SNTG1: variants seen among roughly 807,000 people sequenced by gnomAD.
SNTG1 encodes syntrophin gamma 1, also known as gamma-1-syntrophin.
In SNTG1, 39 loss-of-function variants were observed where a neutral mutation model predicts 74.7. The observed-to-expected ratio is 0.52, with a 90% CI of 0.40 to 0.68. The LOEUF is 0.68. Ranked by LOEUF, SNTG1 falls within the 30% of genes least tolerant of loss-of-function variation. SNTG1 has a pLI of 0.00. For missense variants in SNTG1, 685 were observed against 609.5 expected, an observed-to-expected ratio of 1.12 and a Z score of -1.30; for synonymous variants, 254 against 217.1, an observed-to-expected ratio of 1.17 and a Z score of -1.49.
intron 2 of SNTG1, among the ~76,000 whole-genome samples, chr8:50,236,744 C>T (rs566364874): frequency 3.9e-5 from 6 of 152,040 alleles, no homozygotes; most frequent in East Asian, 3.9e-4. Context: ...GCCACCGCGC[C>T]CGGCCAAAAA....
chr8:50,381,780 G>C (rs867487167), intron 2 of SNTG1: 7 of 106,454 alleles, frequency 6.6e-5, no homozygotes. Flanking sequence ...TATATATATA[G>C]GATATATATA....
chr8:50,157,744 C>T (rs2082296814), intron 1 of SNTG1, among the ~76,000 whole-genome samples: 1 of 152,024 alleles, frequency 6.6e-6, no homozygotes. Context: ...AAACAATGTG[C>T]AGCTTCTTGA....
intron 1 of SNTG1, among the ~76,000 whole-genome samples, chr8:50,147,146 A>G (rs2081901012): frequency 6.6e-6 from 1 of 152,196 alleles, no homozygotes; most frequent in East Asian, 1.9e-4. Context: ...CTTCTGCATG[A>G]TACTTGGGTG....
intron 15 of SNTG1, among the ~76,000 whole-genome samples, chr8:50,670,341 A>G (rs1161980193): frequency 1.3e-5 from 2 of 152,106 alleles, no homozygotes; most frequent in African/African-American, 4.8e-5. Flanking sequence ...AACTTCAGCA[A>G]AGTCTCAGGA....
chr8:50,338,640 T>G (rs1330678960), intron 2 of SNTG1, among the ~76,000 whole-genome samples: 1 of 151,946 alleles, frequency 6.6e-6, no homozygotes, highest in Non-Finnish European at 1.5e-5. Context: ...AATGAAAAAG[T>G]TACAGTCTTT....
At position 50,167,745 on chromosome 8, in the gene SNTG1, C is replaced by T. The variant is rs562472907; in HGVS notation, c.-102-4816C>T. On this transcript the variant is annotated intron_variant, in intron 1 of 18. Coordinates refer to ENST00000642720, the MANE Select transcript of SNTG1 (RefSeq NM_018967.5). ...GGAGGATCCTGTCAGCCTGGCAATT[C>T]GAGGTTGCAGTGAGTCATGATCACA... Among the ~76,000 whole-genome samples the T allele has an allele frequency of 8.7e-4, 129 of 148,970 alleles. 1 individual carries two copies. Among genetic ancestry groups the T allele is most frequent in the Non-Finnish European group, 1.6e-3 (106 of 67,622 alleles).
At chr8:50,153,527 GT>G (rs1170114690) in intron 1 of SNTG1, among the ~76,000 whole-genome samples, 5 of 152,116 alleles carry the variant, frequency 3.3e-5, no homozygotes, top group African/African-American at 9.7e-5. Flanking sequence ...CCCCATCTTT[GT>G]GGTTTTATTT....
intron 1 of SNTG1, among the ~76,000 whole-genome samples, chr8:49,937,135 C>T (rs528653831): frequency 1.3e-5 from 2 of 152,208 alleles, no homozygotes; most frequent in East Asian, 3.9e-4. Flanking sequence ...GGGGACAGAG[C>T]TAGACTCCGT....
chr8:49,962,530 A>C (rs1465628014), intron 1 of SNTG1, among the ~76,000 whole-genome samples: 2 of 151,950 alleles, frequency 1.3e-5, no homozygotes, highest in Non-Finnish European at 2.9e-5. Context: ...CTCAAGGCCC[A>C]TGTGAGTCTC....
chr8:50,438,223 T>A (rs1458857370), intron 4 of SNTG1, among the ~76,000 whole-genome samples: 2 of 152,114 alleles, frequency 1.3e-5, no homozygotes, highest in African/African-American at 4.8e-5. Flanking sequence ...AAAATAAGAA[T>A]ACGTAATGTG....
chr8:50,268,003 A>G (rs1004724656), intron 2 of SNTG1, among the ~76,000 whole-genome samples: 1 of 152,216 alleles, frequency 6.6e-6, no homozygotes, highest in Non-Finnish European at 1.5e-5. Context: ...GTTTTTGACT[A>G]TATAGAATAT....
At chr8:50,381,592 G>GTGTGTGTGTGTGTA (rs1217355515) in intron 2 of SNTG1, among the ~76,000 whole-genome samples, 4 of 98,016 alleles carry the variant, frequency 4.1e-5, no homozygotes, top group Non-Finnish European at 8.7e-5. Flanking sequence ...GTGTGTGTGT[G>GTGTGTGTGTGTGTA]TATATATATA....
intron 1 of SNTG1, among the ~76,000 whole-genome samples, chr8:50,039,058 T>G (rs920488127): frequency 6.6e-6 from 1 of 152,134 alleles, no homozygotes; most frequent in Non-Finnish European, 1.5e-5. Context: ...TTTCAGAAAT[T>G]AAAATGGGGT....
intron 12 of SNTG1, among the ~76,000 whole-genome samples, chr8:50,583,800 T>C (rs1339627329): frequency 1.3e-5 from 2 of 151,790 alleles, no homozygotes; most frequent in African/African-American, 4.8e-5. Context: ...TGCTTTAAGT[T>C]CTAGGGTACA....
intron 1 of SNTG1, among the ~76,000 whole-genome samples, chr8:49,943,956 C>T (rs1187868746): frequency 1.3e-5 from 2 of 152,044 alleles, no homozygotes; most frequent in Non-Finnish European, 2.9e-5. Context: ...AATTTAATCT[C>T]ATTATAGTTC....
At chr8:50,459,253 C>A (rs1425710413) in intron 8 of SNTG1, among the ~76,000 whole-genome samples, 1 of 152,110 alleles carries the variant, frequency 6.6e-6, no homozygotes, top group African/African-American at 2.4e-5. Context: ...GTATTACATT[C>A]TTGATTCTTG....
At chr8:50,518,315 A>C (rs1410893277) in intron 9 of SNTG1, among the ~76,000 whole-genome samples, 32 of 152,356 alleles carry the variant, frequency 2.1e-4, no homozygotes, top group East Asian at 1.9e-4. Context: ...TAGTGTTTAG[A>C]GGGAAATTTA....
intron 2 of SNTG1, among the ~76,000 whole-genome samples, chr8:50,384,690 AC>A (rs1470858379): frequency 1.3e-5 from 2 of 152,120 alleles, no homozygotes; most frequent in Non-Finnish European, 2.9e-5. Context: ...ACCCAAGTCA[AC>A]TTTTCTCTTC....
chr8:49,987,794 G>A lies in SNTG1; in HGVS notation c.-103+75563G>A, dbSNP rs559005669. Among the ~76,000 whole-genome samples the A allele has an allele frequency of 2.9e-3, 441 of 151,778 alleles. 3 individuals are homozygous for A. Among genetic ancestry groups the A allele is most frequent in the Non-Finnish European group, 5.3e-3 (362 of 67,904 alleles). ...CTCCTGGGTAGCTGGGACTACAGGC[G>A]CCCGCCACCATGCCCAGCTAATTTT... is the stretch of plus-strand genomic sequence containing the variant. On this transcript the variant is annotated intron_variant, in intron 1 of 18. Coordinates refer to ENST00000642720, the MANE Select transcript of SNTG1 (RefSeq NM_018967.5).
Sources: gnomAD v4.1 joint callset for allele counts (sites outside exome capture counted in the v4.1 genomes callset) on GRCh38, gnomAD v4.1.1 for gene constraint, MANE v1.5 for transcripts, NCBI Gene and HGNC (gene_info 2026-07-23, HGNC 2026-07-21) for gene names.